The following TBC1D22A variants were observed in gnomAD, a reference collection of about 807,000 sequenced individuals.
TBC1D22A encodes putative GTPase activator.
TBC1D22A carries 38 observed loss-of-function variants against 60.2 expected under a neutral mutation model. The ratio of observed to expected loss-of-function variants is 0.63; its 90% CI spans 0.49 to 0.83. The LOEUF is 0.83. Ranked by LOEUF, TBC1D22A falls within the 40% of genes least tolerant of loss-of-function variation. The pLI is 0.00. For synonymous variants in TBC1D22A, 302 were observed against 281.7 expected (o/e 1.07, Z -0.72); for missense variants, 628 against 701.0 (o/e 0.90, Z 1.18).
intron 4 of TBC1D22A, among the ~76,000 whole-genome samples, chr22:46,816,033 T>C (rs2085583692): frequency 6.6e-6 from 1 of 152,138 alleles, no homozygotes; most frequent in South Asian, 2.1e-4. Context: ...GTGGTGTCAT[T>C]TCCCTGCCTA....
intron 12 of TBC1D22A, among the ~76,000 whole-genome samples, chr22:47,129,600 T>G (rs963456050): frequency 1.3e-5 from 2 of 152,256 alleles, no homozygotes; most frequent in African/African-American, 4.8e-5. Flanking sequence ...GCCATTTTCC[T>G]GTCACCTTAC....
At chr22:47,005,313 C>A (rs1303752178) in intron 10 of TBC1D22A, among the ~76,000 whole-genome samples, 1 of 151,316 alleles carries the variant, frequency 6.6e-6, no homozygotes, top group Non-Finnish European at 1.5e-5. Flanking sequence ...TACAGGTACC[C>A]CCTACACACA....
intron 12 of TBC1D22A, among the ~76,000 whole-genome samples, chr22:47,120,732 A>AAGAGGAAT (rs1259900440): frequency 6.6e-6 from 1 of 152,236 alleles, no homozygotes; most frequent in Non-Finnish European, 1.5e-5. Flanking sequence ...CTCTGAAGGG[A>AAGAGGAAT]AGAGGAATAA....
chr22:46,993,396 A>T (rs939287090), intron 9 of TBC1D22A, among the ~76,000 whole-genome samples: 4 of 152,210 alleles, frequency 2.6e-5, no homozygotes, highest in African/African-American at 9.7e-5. Flanking sequence ...TTTATAAATT[A>T]TATCCTTTTT....
At chr22:46,974,207 T>C (rs2074192940) in intron 8 of TBC1D22A, 83 bp from the exon 9 acceptor site, 2 of 1,164,650 alleles carry the variant, frequency 1.7e-6, no homozygotes, top group South Asian at 2.6e-5. Context: ...CAGGCTCAGC[T>C]CTGTTCCTCC....
At chr22:46,967,051 C>T (rs978742992) in intron 8 of TBC1D22A, among the ~76,000 whole-genome samples, 1 of 152,182 alleles carries the variant, frequency 6.6e-6, no homozygotes, top group South Asian at 2.1e-4. Flanking sequence ...GCCAACGTCT[C>T]GCCCTCCCAC....
In TBC1D22A at chr22:46,868,875, T is replaced by G. The variant is rs542696579; in HGVS notation, c.638-9778T>G. On this transcript the variant is annotated intron_variant, in intron 4 of 12. Coordinates refer to ENST00000337137, the MANE Select transcript of TBC1D22A (RefSeq NM_014346.5). ...GACTGAGTACCTGTCACGTATAACT[T>G]GTTTTATCCTAGAGTTGTTCATTTG... 3.9e-5 allele frequency among the ~76,000 whole-genome samples: 6 copies of G among 152,260 alleles called. No individual in the cohort carries two copies. The South Asian group carries it at 1.0e-3, about 26-fold the overall frequency.
In TBC1D22A at chr22:46,922,779, T is replaced by A. The variant is rs5767413; in HGVS notation, c.1015+10591T>A. ...AATACTACTGCTTTTTGTACATTGA[T>A]TTTTGTATTCTAAAATTTTACTGAA... is the stretch of plus-strand genomic sequence containing the variant. On this transcript the variant is annotated intron_variant, in intron 8 of 12. Transcript: ENST00000337137. Among the ~76,000 whole-genome samples the A allele has an allele frequency of 3.3e-5, 5 of 152,150 alleles. No homozygotes were observed. In the South Asian group the frequency reaches 8.3e-4, roughly 25 times the overall value.
chr22:46,989,759 T>TCACACA (rs35714390), intron 9 of TBC1D22A, among the ~76,000 whole-genome samples: 9,797 of 146,086 alleles, frequency 0.067, 392 homozygotes, highest in East Asian at 0.12. Context: ...TGTGACAGAG[T>TCACACA]CACACACACA....
chr22:46,911,165 G>A (rs972543352), intron 7 of TBC1D22A, among the ~76,000 whole-genome samples: 6 of 152,076 alleles, frequency 3.9e-5, no homozygotes, highest in African/African-American at 1.2e-4. Context: ...AGATGGGAGC[G>A]AGTAGGTGGG....
intron 12 of TBC1D22A, among the ~76,000 whole-genome samples, chr22:47,172,149 C>T (rs980386482): frequency 6.6e-6 from 1 of 151,926 alleles, no homozygotes; most frequent in Non-Finnish European, 1.5e-5. Context: ...CCGGTGTGCC[C>T]GCCCGGTGTT....
At chr22:47,156,984 G>C (rs1210306659) in intron 12 of TBC1D22A, among the ~76,000 whole-genome samples, 1 of 152,208 alleles carries the variant, frequency 6.6e-6, no homozygotes, top group African/African-American at 2.4e-5. Flanking sequence ...GGTTGCACCT[G>C]GTACCATTCC....
At chr22:46,772,130 T>C (rs1179560550) in intron 1 of TBC1D22A, among the ~76,000 whole-genome samples, 3 of 60,382 alleles carry the variant, frequency 5.0e-5, no homozygotes, top group South Asian at 1.5e-3. Flanking sequence ...CACATATACA[T>C]ATATATGTAT....
At chr22:47,086,128 C>T (rs1309137631) in intron 11 of TBC1D22A, among the ~76,000 whole-genome samples, 1 of 152,216 alleles carries the variant, frequency 6.6e-6, no homozygotes, top group African/African-American at 2.4e-5. Context: ...TCTGGGAGCG[C>T]TGTGGCTCCC....
intron 4 of TBC1D22A, among the ~76,000 whole-genome samples, chr22:46,810,786 A>G (rs1325427105): frequency 6.6e-6 from 1 of 152,168 alleles, no homozygotes; most frequent in Non-Finnish European, 1.5e-5. Context: ...GAATCAAATG[A>G]AGAGGTAGCT....
chr22:47,130,477 CCT>C lies in TBC1D22A; in HGVS notation c.1425+18881_1425+18882del, dbSNP rs771271787. 9.9e-4 allele frequency among the ~76,000 whole-genome samples: 151 copies of C among 152,336 alleles called. 1 individual carries two copies. Among genetic ancestry groups the C allele is most frequent in the Non-Finnish European group, 1.6e-3 (108 of 68,032 alleles). On this transcript the variant is annotated intron_variant, in intron 12 of 12. Coordinates refer to ENST00000337137, the MANE Select transcript of TBC1D22A (RefSeq NM_014346.5). ...ATGTCTGGATACCGCTGCCTTCTGG[CCT>C]CTCTCTGGATGGAGGGTGGAGGGTG... is the stretch of plus-strand genomic sequence containing the variant.
intron 8 of TBC1D22A, among the ~76,000 whole-genome samples, chr22:46,951,787 C>T (rs1056561037): frequency 7.2e-5 from 11 of 152,174 alleles, no homozygotes; most frequent in South Asian, 2.1e-4. Context: ...GGCTCAAATG[C>T]GGAGCTTTGT....
chr22:46,857,335 C>T (rs2087619882), intron 4 of TBC1D22A, among the ~76,000 whole-genome samples: 1 of 152,220 alleles, frequency 6.6e-6, no homozygotes. Context: ...CTGGTCAGCC[C>T]TCCTCAGCCC....
At chr22:46,839,060 T>A (rs2086639577) in intron 4 of TBC1D22A, among the ~76,000 whole-genome samples, 1 of 152,100 alleles carries the variant, frequency 6.6e-6, no homozygotes, top group African/African-American at 2.4e-5. Flanking sequence ...AAAAATAAAA[T>A]TGTGTGCAGT....
Sources: gnomAD v4.1 joint callset for allele counts (sites outside exome capture counted in the v4.1 genomes callset) on GRCh38, gnomAD v4.1.1 for gene constraint, MANE v1.5 for transcripts, NCBI Gene and HGNC (gene_info 2026-07-23, HGNC 2026-07-21) for gene names.